Variants in MAPK13 observed in about 807,000 individuals in gnomAD.
MAPK13 encodes the protein MAP kinase 13.
A neutral mutation model predicts 53.5 loss-of-function variants in MAPK13; 39 were observed. The observed-to-expected ratio is 0.73, with a 90% CI of 0.56 to 0.95. The LOEUF (loss-of-function observed/expected upper bound fraction) is 0.95. MAPK13 is among the 40% of genes least tolerant of loss of function. MAPK13 has a pLI of 0.00. For synonymous variants in MAPK13, 179 were observed against 190.9 expected (o/e 0.94, Z 0.51); for missense variants, 460 against 471.8 (o/e 0.98, Z 0.23).
chr6:36,134,586 T>A (rs988196836), intron 3 of MAPK13, among the ~76,000 whole-genome samples: 1 of 152,044 alleles, frequency 6.6e-6, no homozygotes, highest in Admixed American at 6.6e-5. Context: ...TTTATAGATA[T>A]GGGGTCTCAC....
intron 8 of MAPK13, among the ~76,000 whole-genome samples, chr6:36,137,732 A>C (rs1254917767): frequency 6.6e-6 from 1 of 151,608 alleles, no homozygotes; most frequent in Non-Finnish European, 1.5e-5. Context: ...AGGCCATGGC[A>C]GGCGGATCAC....
chr6:36,130,641 A>G lies in MAPK13; in HGVS notation c.59A>G (p.Glu20Gly), dbSNP rs1397181580. ...YKQDVNKTAW[E>G]LPKTYVSPTH... is the part of the protein sequence containing the mutation. ...CAGGACGTCAACAAGACAGCCTGGG[A>G]GCTGCCCAAGACCTACGTGTCCCCG... The change falls in exon 1 of 12, where the codon GAG becomes GGG. Residue 20 changes from glutamate to glycine, a missense_variant. Transcript: ENST00000211287. The surrounding 1 kb of genome is among the most constrained non-coding windows in gnomAD (Gnocchi z 4.5). The G allele has an allele frequency of 5.7e-6, 9 of 1,583,642 alleles. No homozygotes were observed. In the African/African-American group the frequency reaches 1.3e-4, roughly 23 times the overall value.
At position 36,139,649 on chromosome 6, in the gene MAPK13, T is replaced by C; in HGVS notation, c.*276T>C. The C allele has an allele frequency of 2.2e-6, 1 of 461,838 alleles. No individual in the cohort carries two copies. The highest frequency in any genetic ancestry group is 2.7e-5 in the South Asian group (1 of 37,372). 28.6% of individuals were successfully genotyped at this position (461,838 alleles called of 1,614,324 possible). A position where few individuals can be genotyped will look rare whatever the true frequency, so the allele number is the denominator to read the frequency against. On this transcript the variant is annotated 3_prime_UTR_variant, in exon 12 of 12. Coordinates refer to ENST00000211287, the MANE Select transcript of MAPK13 (RefSeq NM_002754.5). ...CGCCAGAGTGGGGCTGAGTGGGCGCTGAGCCAGGCCGGGGGCCTATGGCAG... is the reference window on the plus strand; with the variant it reads ...CGCCAGAGTGGGGCTGAGTGGGCGCCGAGCCAGGCCGGGGGCCTATGGCAG...
chr6:36,132,765 A>G (rs1337523745), intron 3 of MAPK13, 86 bp downstream of exon 3: 3 of 1,437,806 alleles, frequency 2.1e-6, no homozygotes, highest in Non-Finnish European at 2.9e-6. Flanking sequence ...TAGGGTTTCT[A>G]TTCCGGGTGT....
At chr6:36,137,662 A>AG (rs1267398163) in intron 8 of MAPK13, among the ~76,000 whole-genome samples, 9 of 149,774 alleles carry the variant, frequency 6.0e-5, no homozygotes, top group Admixed American at 3.3e-4. Context: ...AAAAAAAAAA[A>AG]AAAAAAACAA....
At chr6:36,133,494 G>A (rs965526888) in intron 3 of MAPK13, among the ~76,000 whole-genome samples, 2 of 152,248 alleles carry the variant, frequency 1.3e-5, no homozygotes, top group Admixed American at 1.3e-4. Context: ...TGTTCCATCT[G>A]TTGGGGTGCA....
chr6:36,132,692 G>A lies in MAPK13; in HGVS notation c.308+13G>A. ...ACTTCTATGACTTGTGAGTTGGGCT[G>A]CACTGGGTTCTGGGGCATTTGCAGG... On this transcript the variant is annotated intron_variant, in intron 3 of 11. Coordinates refer to ENST00000211287, the MANE Select transcript of MAPK13 (RefSeq NM_002754.5). 6.2e-7 allele frequency: 1 copy of A among 1,614,202 alleles called. No individual in the cohort carries two copies. Among genetic ancestry groups the A allele is most frequent in the Non-Finnish European group, 8.5e-7 (1 of 1,179,984 alleles).
chr6:36,137,981 T>C (rs1322585601), intron 8 of MAPK13, among the ~76,000 whole-genome samples: 1 of 76,322 alleles, frequency 1.3e-5, no homozygotes, highest in East Asian at 4.5e-4. Context: ...AAAAAAAAAA[T>C]GTAGATAAGC....
At chr6:36,135,997 C>G in intron 4 of MAPK13, 22 bp from the exon 5 acceptor site, 2 of 1,614,034 alleles carry the variant, frequency 1.2e-6, no homozygotes, top group Non-Finnish European at 1.7e-6. Context: ...CATGGACTCA[C>G]CCTTCTCTCT....
rs751987128 is a variant in MAPK13, at chr6:36,141,036, A to C, written c.*1663A>C. ...GGCTGATCTTGAACTTCTGGACTCAAGTGATCCTCCCACTTTGGCCTCCCA... is the reference window on the plus strand; with the variant it reads ...GGCTGATCTTGAACTTCTGGACTCACGTGATCCTCCCACTTTGGCCTCCCA... On this transcript the variant is annotated 3_prime_UTR_variant, in exon 12 of 12. Transcript: ENST00000211287. 2 of 152,112 alleles carry C rather than the reference A, an allele frequency of 1.3e-5. No homozygotes were observed. The highest frequency in any genetic ancestry group is 2.9e-5 in the Non-Finnish European group (2 of 68,044). The allele number at this position is 152,112 out of a possible 1,614,324, so 9.4% of individuals were successfully genotyped here.
intron 8 of MAPK13, among the ~76,000 whole-genome samples, chr6:36,137,815 A>G (rs766753857): frequency 2.0e-5 from 3 of 150,190 alleles, no homozygotes; most frequent in Non-Finnish European, 4.4e-5. Flanking sequence ...TACAAAAATT[A>G]GCCGGGTGTG....
At position 36,135,795 on chromosome 6, in the gene MAPK13, C is replaced by T; in HGVS notation, c.351C>T (p.Ile117=). 3 of 1,614,046 alleles carry T rather than the reference C, an allele frequency of 1.9e-6. No individual in the cohort carries two copies. The highest frequency in any genetic ancestry group is 2.5e-6 in the Non-Finnish European group (3 of 1,179,966). Residue 117 remains isoleucine, a synonymous_variant, in exon 4 of 12, where the codon ATC becomes ATT. Transcript: ENST00000211287. ...MPFMQTDLQK[I]MGMEFSEEKI... ...TCATGCAGACGGATCTGCAGAAGAT[C>T]ATGGGGATGGAGTTCAGTGAGGAGA...
intron 8 of MAPK13, among the ~76,000 whole-genome samples, chr6:36,137,649 C>CAAA (rs71540139): frequency 1.6e-4 from 19 of 120,152 alleles, no homozygotes; most frequent in South Asian, 8.9e-4. Context: ...GACCCTAACT[C>CAAA]AAAAAAAAAA....
intron 2 of MAPK13, 54 bp downstream of exon 2, chr6:36,131,454 G>GT (rs1333385798): frequency 1.3e-6 from 2 of 1,550,762 alleles, no homozygotes; most frequent in East Asian, 4.5e-5. Context: ...GGAGTCAGGG[G>GT]CAGGCGCAGG....
intron 3 of MAPK13, among the ~76,000 whole-genome samples, chr6:36,134,699 AT>A (rs987716419): frequency 1.6e-3 from 230 of 143,556 alleles, no homozygotes; most frequent in Non-Finnish European, 1.7e-3. Context: ...CACCTGGCTA[AT>A]TTTTTTTTTT....
chr6:36,131,207 G>A (rs754027458), intron 1 of MAPK13, 64 bp from the exon 2 acceptor site: 22 of 1,566,762 alleles, frequency 1.4e-5, no homozygotes, highest in African/African-American at 2.7e-5. Context: ...GGAGGGGTCA[G>A]GGCGGTCTGG....
At position 36,138,863 on chromosome 6, in the gene MAPK13, G is replaced by C; in HGVS notation, c.842-16G>C. 6.2e-7 allele frequency: 1 copy of C among 1,611,088 alleles called. No homozygotes were observed. The highest frequency in any genetic ancestry group is 8.5e-7 in the Non-Finnish European group (1 of 1,178,476). Reference sequence around the variant, plus strand: ...TCCCAGCCCCTGGTGTGAGGCTCTTGGCTCTGCCCCTGCAGCTGCGGACCT... The same window carrying C: ...TCCCAGCCCCTGGTGTGAGGCTCTTCGCTCTGCCCCTGCAGCTGCGGACCT... On this transcript the variant is annotated splice_polypyrimidine_tract_variant and intron_variant, in intron 10 of 11. Transcript: ENST00000211287.
rs369274499 is a variant in MAPK13 at position 36,136,481 on chromosome 6, C to G, written c.448-3C>G. ...TAGCATGCATTCTCTGTCCTCCCCC[C>G]AGGACCTGAAGCCAGGCAACCTGGC... is the stretch of plus-strand genomic sequence containing the variant. On this transcript the variant is annotated splice_polypyrimidine_tract_variant and splice_region_variant and intron_variant, in intron 5 of 11. Transcript: ENST00000211287. 2.5e-6 allele frequency: 4 copies of G among 1,593,006 alleles called. No individual in the cohort carries two copies. The African/African-American group carries it at 5.4e-5, about 21-fold the overall frequency.
chr6:36,136,975 C>T, intron 8 of MAPK13, 25 bp downstream of exon 8: 1 of 1,602,872 alleles, frequency 6.2e-7, no homozygotes, highest in Non-Finnish European at 8.5e-7. Flanking sequence ...AAAAGCCAAA[C>T]TCCATCTAGG....
Sources: allele counts gnomAD v4.1 joint callset (sites outside exome capture counted in the v4.1 genomes callset), GRCh38; gene constraint gnomAD v4.1.1; non-coding constraint Gnocchi (gnomAD v3.1); transcripts MANE v1.5; gene names NCBI Gene and HGNC (gene_info 2026-07-23, HGNC 2026-07-21).